Variants in GRIN2B observed in about 807,000 individuals in gnomAD.
GRIN2B encodes glutamate ionotropic receptor NMDA type subunit 2B, also known as glutamate receptor ionotropic, NMDA 2B.
GRIN2B carries 5 observed loss-of-function variants against 114.5 expected under a neutral mutation model. The ratio of observed to expected loss-of-function variants is 0.04; its 90% CI spans 0.02 to 0.09. The LOEUF is 0.09. GRIN2B is among the 10% of genes least tolerant of loss of function. The pLI is 1.00. For missense variants in GRIN2B, 1,108 were observed against 1,943.5 expected (o/e 0.57, Z 8.08); for synonymous variants, 787 against 745.1 (o/e 1.06, Z -0.92).
intron 2 of GRIN2B, among the ~76,000 whole-genome samples, chr12:13,958,559 C>T (rs527929768): frequency 4.8e-4 from 73 of 152,288 alleles, no homozygotes; most frequent in African/African-American, 1.7e-3. Flanking sequence ...TCCTTTTTCC[C>T]TAGGGAGGTT....
intron 3 of GRIN2B, among the ~76,000 whole-genome samples, chr12:13,779,474 A>G (rs1864067672): frequency 6.6e-6 from 1 of 152,242 alleles, no homozygotes; most frequent in African/African-American, 2.4e-5. Flanking sequence ...CCACACATGT[A>G]ATTTTAAATA....
chr12:13,940,546 G>T (rs114499743), intron 2 of GRIN2B, among the ~76,000 whole-genome samples: 125 of 152,126 alleles, frequency 8.2e-4, no homozygotes, highest in African/African-American at 2.8e-3. Flanking sequence ...TAATACAAGG[G>T]GTGTAACTAG....
At chr12:13,757,538 C>T (rs910048215) in intron 3 of GRIN2B, among the ~76,000 whole-genome samples, 17 of 152,126 alleles carry the variant, frequency 1.1e-4, no homozygotes, top group Non-Finnish European at 2.9e-5. Flanking sequence ...GCTCACTATG[C>T]TTCCCCACTT....
At chr12:13,745,084 C>G (rs1863354025) in intron 4 of GRIN2B, among the ~76,000 whole-genome samples, 1 of 152,154 alleles carries the variant, frequency 6.6e-6, no homozygotes, top group South Asian at 2.1e-4. Flanking sequence ...AAACCATTAT[C>G]TATTTAAATT....
intron 3 of GRIN2B, among the ~76,000 whole-genome samples, chr12:13,825,550 C>T (rs1766967378): frequency 8.9e-6 from 1 of 112,868 alleles, no homozygotes. Flanking sequence ...GAGTTTTGCT[C>T]TTGTAGCCCA....
At chr12:13,649,059 T>G (rs536952164) in intron 5 of GRIN2B, among the ~76,000 whole-genome samples, 2 of 152,112 alleles carry the variant, frequency 1.3e-5, no homozygotes, top group Admixed American at 1.3e-4. Context: ...CTAGTGTAAT[T>G]GTGAAACCTT....
chr12:13,810,402 CT>C (rs1295736257), intron 3 of GRIN2B, among the ~76,000 whole-genome samples: 11 of 152,106 alleles, frequency 7.2e-5, no homozygotes, highest in African/African-American at 2.4e-4. Flanking sequence ...GTGTCCTCTA[CT>C]AAAAAGTTTC....
intron 4 of GRIN2B, among the ~76,000 whole-genome samples, chr12:13,718,722 G>GTTGAATT (rs1282664625): frequency 1.3e-5 from 2 of 152,002 alleles, no homozygotes; most frequent in Non-Finnish European, 1.5e-5. Context: ...GTCACCTAAG[G>GTTGAATT]TTGAACTTAG....
chr12:13,607,360 A>T (rs11055540), intron 10 of GRIN2B, among the ~76,000 whole-genome samples: 4,436 of 38,552 alleles, frequency 0.12, 339 homozygotes, highest in South Asian at 0.17. Context: ...AAAATATATA[A>T]TATATATTAT....
At chr12:13,697,813 A>G (rs571785119) in intron 4 of GRIN2B, among the ~76,000 whole-genome samples, 1 of 152,286 alleles carries the variant, frequency 6.6e-6, no homozygotes, top group African/African-American at 2.4e-5. Flanking sequence ...ACACACACAC[A>G]AAAACAGTTA....
chr12:13,798,121 A>G (rs956715360), intron 3 of GRIN2B, among the ~76,000 whole-genome samples: 1 of 152,262 alleles, frequency 6.6e-6, no homozygotes, highest in African/African-American at 2.4e-5. Context: ...TCTAGAATGT[A>G]TCCCATGATC....
At chr12:13,810,820 C>T (rs1007770637) in intron 3 of GRIN2B, among the ~76,000 whole-genome samples, 2 of 152,204 alleles carry the variant, frequency 1.3e-5, no homozygotes, top group African/African-American at 4.8e-5. Context: ...TTGCTACTGT[C>T]AACACTTTCA....
chr12:13,781,654 G>GA (rs779233077), intron 3 of GRIN2B, among the ~76,000 whole-genome samples: 36 of 152,126 alleles, frequency 2.4e-4, no homozygotes, highest in Non-Finnish European at 4.7e-4. Context: ...GCAATCACAT[G>GA]AAAAAATTGT....
At chr12:13,586,517 T>TA (rs1319566242) in intron 10 of GRIN2B, among the ~76,000 whole-genome samples, 4 of 152,124 alleles carry the variant, frequency 2.6e-5, no homozygotes, top group Non-Finnish European at 5.9e-5. Context: ...AACACATGCA[T>TA]ACAAGGAGGG....
At position 13,752,435 on chromosome 12, in the gene GRIN2B, T is replaced by C. The variant is rs145318576; in HGVS notation, c.1010+882A>G. Among the ~76,000 whole-genome samples the C allele has an allele frequency of 2.9e-3, 439 of 152,380 alleles. 5 individuals are homozygous for C. Among genetic ancestry groups the C allele is most frequent in the African/African-American group, 0.01 (418 of 41,596 alleles). On this transcript the variant is annotated intron_variant, in intron 4 of 13. Coordinates refer to ENST00000609686, the MANE Select transcript of GRIN2B (RefSeq NM_000834.5). ...TAGAAAGATGTTCACGAATTATTTC[T>C]ACAATGATTATCTCCAATTAGTTGG...
At chr12:13,728,537 A>AT (rs1471905758) in intron 4 of GRIN2B, among the ~76,000 whole-genome samples, 2 of 152,168 alleles carry the variant, frequency 1.3e-5, no homozygotes, top group African/African-American at 4.8e-5. Context: ...TTCAGAGACG[A>AT]TTTTTAAGAC....
intron 10 of GRIN2B, among the ~76,000 whole-genome samples, chr12:13,575,952 G>A (rs1016515249): frequency 6.6e-6 from 1 of 152,182 alleles, no homozygotes; most frequent in African/African-American, 2.4e-5. Flanking sequence ...TGGAGATGAA[G>A]TTCTAACATT....
intron 4 of GRIN2B, among the ~76,000 whole-genome samples, chr12:13,723,167 T>G (rs576833017): frequency 1.3e-5 from 2 of 152,102 alleles, no homozygotes; most frequent in South Asian, 4.2e-4. Context: ...TACTTTAAGT[T>G]CTGGGATACA....
intron 3 of GRIN2B, among the ~76,000 whole-genome samples, chr12:13,766,893 C>G (rs1863801062): frequency 6.6e-6 from 1 of 152,178 alleles, no homozygotes; most frequent in Non-Finnish European, 1.5e-5. Context: ...GGAAATCAAT[C>G]ATGATTTCAG....
Sources: allele counts gnomAD v4.1 joint callset (sites outside exome capture counted in the v4.1 genomes callset), GRCh38; gene constraint gnomAD v4.1.1; transcripts MANE v1.5; gene names NCBI Gene and HGNC (gene_info 2026-07-23, HGNC 2026-07-21).